Variants in RYR2 observed in about 807,000 individuals in gnomAD.
RYR2 encodes cardiac muscle ryanodine receptor-calcium release channel.
Under a neutral mutation model 601.1 loss-of-function variants are expected in RYR2, and 227 were observed. The observed-to-expected ratio is 0.38, with a 90% CI of 0.34 to 0.42. The LOEUF is 0.42. RYR2 is among the 10% of genes least tolerant of loss of function. The pLI is 1.00. For missense variants in RYR2, 4,646 were observed against 6,156.5 expected (o/e 0.75, Z 8.21); for synonymous variants, 2,223 against 2,175.1 (o/e 1.02, Z -0.61).
At position 237,454,939 on chromosome 1, in the gene RYR2, T is replaced by C. The variant is rs540235302; in HGVS notation, c.1476+365T>C. 3.9e-5 allele frequency among the ~76,000 whole-genome samples: 6 copies of C among 152,278 alleles called. No individual in the cohort carries two copies. The South Asian group carries it at 1.2e-3, about 32-fold the overall frequency. ...CAGGCTTTAGAAAGCATCAGGGTTT[T>C]CAAACTATTCAGCAGGTGCTCCTTG... On this transcript the variant is annotated intron_variant, in intron 15 of 104. Transcript: ENST00000366574.
intron 7 of RYR2, 23 bp from the exon 8 acceptor site, chr1:237,377,300 T>G: frequency 6.5e-7 from 1 of 1,545,460 alleles, no homozygotes; most frequent in Non-Finnish European, 8.8e-7. Flanking sequence ...TTTTTCATGT[T>G]TCACATATCC....
chr1:237,127,652 C>T (rs1671644200), intron 1 of RYR2, among the ~76,000 whole-genome samples: 1 of 151,802 alleles, frequency 6.6e-6, no homozygotes, highest in African/African-American at 2.4e-5. Flanking sequence ...GGCGGAGGGT[C>T]TCCTCACTTC....
chr1:237,411,034 C>T (rs1414830759), intron 10 of RYR2, among the ~76,000 whole-genome samples: 2 of 152,054 alleles, frequency 1.3e-5, no homozygotes, highest in Non-Finnish European at 2.9e-5. Flanking sequence ...AGACATTATG[C>T]TAAGTGAAAT....
intron 100 of RYR2, among the ~76,000 whole-genome samples, chr1:237,818,239 T>C (rs201034545): frequency 5.9e-5 from 9 of 152,148 alleles, no homozygotes; most frequent in Admixed American, 2.0e-4. Context: ...TCTGGAGATA[T>C]CTGTTATTGT....
At chr1:237,816,107 A>C (rs1322230285) in intron 100 of RYR2, among the ~76,000 whole-genome samples, 2 of 152,108 alleles carry the variant, frequency 1.3e-5, no homozygotes, top group Admixed American at 1.3e-4. Flanking sequence ...CTGGACTGGG[A>C]ACTGCACAAT....
chr1:237,435,371 A>G (rs1707239351), intron 12 of RYR2, among the ~76,000 whole-genome samples: 1 of 152,238 alleles, frequency 6.6e-6, no homozygotes, highest in Non-Finnish European at 1.5e-5. Flanking sequence ...CTACATAGTA[A>G]GACTAAAACC....
intron 96 of RYR2, among the ~76,000 whole-genome samples, chr1:237,795,871 TATACAC>T (rs1558434105): frequency 0.012 from 1,775 of 144,968 alleles, 24 homozygotes; most frequent in African/African-American, 0.037. Flanking sequence ...TATATATATA[TATACAC>T]ATATATATAT....
intron 36 of RYR2, among the ~76,000 whole-genome samples, chr1:237,613,329 A>G (rs1678094183): frequency 6.6e-6 from 1 of 152,216 alleles, no homozygotes; most frequent in African/African-American, 2.4e-5. Flanking sequence ...GGCAGGAATC[A>G]TGTCTATATT....
In RYR2 at chr1:237,595,575, T is replaced by C; in HGVS notation, c.4514T>C (p.Leu1505Pro). The C allele has an allele frequency of 6.2e-7, 1 of 1,613,620 alleles. No homozygotes were observed. The highest frequency in any genetic ancestry group is 8.5e-7 in the Non-Finnish European group (1 of 1,179,708). Residue 1505 changes from leucine (L) to proline (P), a missense_variant, in exon 34 of 105, where the codon CTG becomes CCG. Leu to Pro is a moderately conservative substitution (Grantham distance 98, BLOSUM62 -3). Coordinates refer to ENST00000366574, the MANE Select transcript of RYR2 (RefSeq NM_001035.3). ...SPGQGRNNNG[L>P]EIGCVVDAAS... ...GGGCAAGGACGCAACAATAATGGAC[T>C]GGAGATTGGCTGTGTGGTGGATGCT... is the stretch of plus-strand genomic sequence containing the variant.
At chr1:237,596,020 A>C (rs1232684455) in intron 34 of RYR2, among the ~76,000 whole-genome samples, 1 of 152,158 alleles carries the variant, frequency 6.6e-6, no homozygotes, top group African/African-American at 2.4e-5. Context: ...ATCCTACCCA[A>C]CCGGTACCCT....
At chr1:237,254,255 G>GA (rs1687739543) in intron 1 of RYR2, among the ~76,000 whole-genome samples, 1 of 151,982 alleles carries the variant, frequency 6.6e-6, no homozygotes, top group South Asian at 2.1e-4. Flanking sequence ...TGCAATACAA[G>GA]AAAAAATACA....
chr1:237,462,169 C>T (rs2150258471), intron 16 of RYR2, among the ~76,000 whole-genome samples: 1 of 152,216 alleles, frequency 6.6e-6, no homozygotes, highest in South Asian at 2.1e-4. Flanking sequence ...TTTGTTAAGC[C>T]TCCTTCCCGT....
Position 237,760,939 on chromosome 1 carries a change from TCCC to T in RYR2, c.11403-15_11403-13del, listed in dbSNP as rs1573842983. 3.9e-6 allele frequency: 6 copies of T among 1,527,384 alleles called. No individual in the cohort carries two copies. Among genetic ancestry groups the T allele is most frequent in the East Asian group, 2.4e-5 (1 of 41,306 alleles). 94.6% of individuals were successfully genotyped at this position (1,527,384 alleles called of 1,614,324 possible). On this transcript the variant is annotated splice_polypyrimidine_tract_variant and intron_variant, in intron 83 of 104. Coordinates refer to ENST00000366574, the MANE Select transcript of RYR2 (RefSeq NM_001035.3). ...TATTAGTCCTCTAAATGTTTTTTTT[TCCC>T]TTGTTATTATAGTGTCCTTGACCTA...
intron 1 of RYR2, among the ~76,000 whole-genome samples, chr1:237,113,618 C>T (rs1669737160): frequency 6.6e-6 from 1 of 152,062 alleles, no homozygotes; most frequent in Non-Finnish European, 1.5e-5. Context: ...ATTCCTGGCC[C>T]AGGGAGTGGG....
chr1:237,264,854 C>T (rs1688895531), intron 1 of RYR2, among the ~76,000 whole-genome samples: 1 of 151,620 alleles, frequency 6.6e-6, no homozygotes, highest in African/African-American at 2.4e-5. Flanking sequence ...CACCACCATG[C>T]CTGGTTAATT....
chr1:237,761,640 T>G lies in RYR2; in HGVS notation c.11476+612T>G, dbSNP rs114866631. On this transcript the variant is annotated intron_variant, in intron 84 of 104. Transcript: ENST00000366574. The stretch of plus-strand genomic sequence containing the variant: ...TCTCTAAATAGATGCTGGTATAAAC[T>G]AGAAAGTTTAGCATACAATGCATTT... Among the ~76,000 whole-genome samples, 729 of 152,334 alleles carry G rather than the reference T, an allele frequency of 4.8e-3. 7 individuals carry two copies. The highest frequency in any genetic ancestry group is 0.017 in the African/African-American group (692 of 41,572).
intron 2 of RYR2, among the ~76,000 whole-genome samples, chr1:237,276,978 T>A (rs978136442): frequency 1.3e-5 from 2 of 152,182 alleles, no homozygotes; most frequent in Non-Finnish European, 2.9e-5. Flanking sequence ...TTTGCAAAGG[T>A]AATTTATAGA....
chr1:237,120,274 CATT>C (rs1217771539), intron 1 of RYR2, among the ~76,000 whole-genome samples: 1 of 152,164 alleles, frequency 6.6e-6, no homozygotes, highest in Non-Finnish European at 1.5e-5. Flanking sequence ...ACTCTTCCTA[CATT>C]ATTAAGCATC....
intron 1 of RYR2, among the ~76,000 whole-genome samples, chr1:237,070,935 G>A (rs1664237029): frequency 6.6e-6 from 1 of 152,260 alleles, no homozygotes; most frequent in South Asian, 2.1e-4. Flanking sequence ...CCCTGGCTCA[G>A]GGAGCCCCCA....
Sources: allele counts gnomAD v4.1 joint callset (sites outside exome capture counted in the v4.1 genomes callset), GRCh38; gene constraint gnomAD v4.1.1; transcripts MANE v1.5; gene names NCBI Gene and HGNC (gene_info 2026-07-23, HGNC 2026-07-21).